Variants in FHIT observed in about 807,000 individuals in gnomAD.
The protein encoded by FHIT is bis(5'-adenosyl)-triphosphatase.
In FHIT, 19 loss-of-function variants were observed where a neutral mutation model predicts 17.9. The observed-to-expected ratio is 1.06, with a 90% CI of 0.74 to 1.56. The LOEUF is 1.56. FHIT is among the 40% of genes most tolerant of loss of function. The probability of loss-of-function intolerance (pLI) is 0.00; values close to 1 mark genes in which losing one functional copy is unlikely to be tolerated. For missense variants in FHIT, 248 were observed against 189.2 expected, an observed-to-expected ratio of 1.31 and a Z score of -1.82; for synonymous variants, 81 against 69.7, an observed-to-expected ratio of 1.16 and a Z score of -0.81.
intron 3 of FHIT, among the ~76,000 whole-genome samples, chr3:61,029,207 C>T (rs1368819474): frequency 1.3e-5 from 2 of 152,070 alleles, no homozygotes; most frequent in African/African-American, 2.4e-5. Context: ...TCATCAGTAC[C>T]TTAATTGTTG....
chr3:60,266,921 C>T (rs1278037793), intron 5 of FHIT, among the ~76,000 whole-genome samples: 1 of 151,988 alleles, frequency 6.6e-6, no homozygotes. Flanking sequence ...TTATTACATC[C>T]AGAGAAATCA....
At chr3:60,475,862 AG>A (rs1206538884) in intron 5 of FHIT, among the ~76,000 whole-genome samples, 2 of 152,186 alleles carry the variant, frequency 1.3e-5, no homozygotes, top group Non-Finnish European at 2.9e-5. Flanking sequence ...AGAGTCTCCA[AG>A]GGGAAAAAGG....
intron 7 of FHIT, among the ~76,000 whole-genome samples, chr3:59,988,354 T>C (rs1307738526): frequency 6.6e-6 from 1 of 152,116 alleles, no homozygotes; most frequent in Non-Finnish European, 1.5e-5. Flanking sequence ...GGTATTTCTC[T>C]CACCTCTTAT....
intron 8 of FHIT, among the ~76,000 whole-genome samples, chr3:59,851,750 C>G (rs1205324183): frequency 1.3e-5 from 2 of 152,192 alleles, no homozygotes; most frequent in African/African-American, 2.4e-5. Flanking sequence ...ACCTTGATCC[C>G]CAGTGATGCT....
chr3:60,204,445 T>TG (rs1703066501), intron 5 of FHIT, among the ~76,000 whole-genome samples: 1 of 6,084 alleles, frequency 1.6e-4, no homozygotes, highest in African/African-American at 2.5e-4. Flanking sequence ...AATATTCTGG[T>TG]TTTTTTTTTT....
chr3:60,327,300 T>C (rs192348789), intron 5 of FHIT, among the ~76,000 whole-genome samples: 80 of 152,292 alleles, frequency 5.3e-4, no homozygotes, highest in African/African-American at 1.8e-3. Flanking sequence ...TATTTACCAA[T>C]ATATTCCCAG....
intron 4 of FHIT, among the ~76,000 whole-genome samples, chr3:60,780,244 C>T (rs1700338980): frequency 6.6e-6 from 1 of 152,114 alleles, no homozygotes; most frequent in Non-Finnish European, 1.5e-5. Context: ...CCTTTCTTCT[C>T]CTCTGTTCTC....
At chr3:60,861,540 C>T (rs1022458777) in intron 3 of FHIT, among the ~76,000 whole-genome samples, 4 of 151,642 alleles carry the variant, frequency 2.6e-5, no homozygotes, top group South Asian at 4.2e-4. Context: ...AAATCGCCTC[C>T]GATTGAGAAC....
At chr3:60,749,645 G>A (rs1466335777) in intron 4 of FHIT, among the ~76,000 whole-genome samples, 1 of 152,162 alleles carries the variant, frequency 6.6e-6, no homozygotes, top group Non-Finnish European at 1.5e-5. Flanking sequence ...TTTGAAGGGG[G>A]AAATTTTAAA....
In FHIT at chr3:60,167,994, A is replaced by G. The variant is rs147094917; in HGVS notation, c.104-153842T>C. Among the ~76,000 whole-genome samples the G allele has an allele frequency of 3.4e-4, 52 of 152,310 alleles. No individual in the cohort carries two copies. The East Asian group carries it at 9.4e-3, about 28-fold the overall frequency. ...AGCCGTGATCACACCAGTGCACTCC[A>G]GCCTGGGTAAGAGAGTGAGACCCTG... On this transcript the variant is annotated intron_variant, in intron 5 of 9. Coordinates refer to ENST00000492590, the MANE Select transcript of FHIT (RefSeq NM_002012.4).
At chr3:59,976,799 C>T (rs1411745376) in intron 7 of FHIT, among the ~76,000 whole-genome samples, 1 of 152,118 alleles carries the variant, frequency 6.6e-6, no homozygotes, top group East Asian at 1.9e-4. Context: ...GAAATAATAT[C>T]TCCTCCTCCT....
chr3:60,406,333 C>T (rs1169362567), intron 5 of FHIT, among the ~76,000 whole-genome samples: 1 of 152,140 alleles, frequency 6.6e-6, no homozygotes, highest in Non-Finnish European at 1.5e-5. Context: ...TCCTGAGAAC[C>T]AGGCAATCTT....
intron 5 of FHIT, among the ~76,000 whole-genome samples, chr3:60,322,155 C>T (rs1408296009): frequency 1.3e-5 from 2 of 152,190 alleles, no homozygotes; most frequent in African/African-American, 4.8e-5. Context: ...TTTCATTATG[C>T]TTTTCTGGGC....
At chr3:61,127,231 T>C (rs931156397) in intron 2 of FHIT, among the ~76,000 whole-genome samples, 2 of 152,118 alleles carry the variant, frequency 1.3e-5, no homozygotes, top group South Asian at 2.1e-4. Context: ...TGACAGTAGC[T>C]TGGGCCCAAG....
At chr3:60,209,460 C>T (rs1703350639) in intron 5 of FHIT, among the ~76,000 whole-genome samples, 1 of 152,156 alleles carries the variant, frequency 6.6e-6, no homozygotes. Context: ...CAATCTCTTC[C>T]TCTCACCATC....
At chr3:61,003,325 T>G (rs2031225146) in intron 3 of FHIT, among the ~76,000 whole-genome samples, 1 of 152,178 alleles carries the variant, frequency 6.6e-6, no homozygotes, top group South Asian at 2.1e-4. Context: ...ATTAAGAAAT[T>G]TATCCTAATT....
At chr3:60,950,661 C>T (rs1559857838) in intron 3 of FHIT, among the ~76,000 whole-genome samples, 2 of 151,612 alleles carry the variant, frequency 1.3e-5, no homozygotes, top group South Asian at 2.1e-4. Flanking sequence ...GGATTACAGG[C>T]ACGCACCACC....
At chr3:61,198,331 A>C (rs1369050060) in intron 2 of FHIT, among the ~76,000 whole-genome samples, 2 of 152,144 alleles carry the variant, frequency 1.3e-5, no homozygotes, top group African/African-American at 4.8e-5. Flanking sequence ...ACCTAGGACA[A>C]GGGAGAATCC....
intron 2 of FHIT, among the ~76,000 whole-genome samples, chr3:61,064,384 G>A (rs144983666): frequency 2.5e-3 from 386 of 152,214 alleles, no homozygotes; most frequent in African/African-American, 7.9e-3. Context: ...CCAATACACC[G>A]CCAATGGTGG....
Sources: gnomAD v4.1 joint callset for allele counts (sites outside exome capture counted in the v4.1 genomes callset) on GRCh38, gnomAD v4.1.1 for gene constraint, MANE v1.5 for transcripts, NCBI Gene and HGNC (gene_info 2026-07-23, HGNC 2026-07-21) for gene names.